The following ZNF532 variants were observed in gnomAD, a reference collection of about 807,000 sequenced individuals.
The protein encoded by ZNF532 is zinc finger protein 532.
ZNF532 carries 22 observed loss-of-function variants against 89.3 expected under a neutral mutation model. The ratio of observed to expected loss-of-function variants is 0.25; its 90% CI spans 0.18 to 0.35. The LOEUF is 0.35. Among genes scored for constraint, ZNF532 ranks in the 10% least tolerant of loss-of-function variants. The pLI is 1.00. For missense variants in ZNF532, 1,132 were observed against 1,643.4 expected (o/e 0.69, Z 5.38); for synonymous variants, 606 against 649.6 (o/e 0.93, Z 1.02).
At position 58,904,772 on chromosome 18, in the gene ZNF532, G is replaced by A. The variant is rs530286499; in HGVS notation, c.-17-13499G>A. Among the ~76,000 whole-genome samples the A allele has an allele frequency of 4.0e-5, 6 of 151,880 alleles. No individual in the cohort carries two copies. In the South Asian group the frequency reaches 1.2e-3, roughly 32 times the overall value. Reference sequence around the variant, plus strand: ...ACTGGGGCTGGCTGTAGTCGTGGAAGATAATCTGAATGATTTTGTGTGCAG... The same window carrying A: ...ACTGGGGCTGGCTGTAGTCGTGGAAAATAATCTGAATGATTTTGTGTGCAG... On this transcript the variant is annotated intron_variant, in intron 2 of 9. Transcript: ENST00000591808.
rs752823162 is a variant in ZNF532, at chr18:58,919,109, C to T, written c.822C>T (p.Ile274=). The T allele has an allele frequency of 5.0e-6, 8 of 1,614,116 alleles. No homozygotes were observed. Among genetic ancestry groups the T allele is most frequent in the Admixed American group, 3.3e-5 (2 of 60,010 alleles). ...AGCTCTCGTCCTGCATCGCTGCCAT[C>T]GCGGCTCTCAGCGCTAAAAAGGCGG... ...SSKLSSCIAA[I]AALSAKKAAS... Residue 274 remains isoleucine (I), a synonymous_variant, in exon 3 of 10, where the codon ATC becomes ATT. Coordinates refer to ENST00000591808, the MANE Select transcript of ZNF532 (RefSeq NM_001375912.1). The surrounding 1 kb of genome is among the most constrained non-coding windows in gnomAD (Gnocchi z 6.1).
intron 2 of ZNF532, among the ~76,000 whole-genome samples, chr18:58,874,202 A>G (rs568250611): frequency 6.6e-6 from 1 of 152,248 alleles, no homozygotes; most frequent in South Asian, 2.1e-4. Context: ...CCTTGTCGCT[A>G]GAGTTTTAGT....
chr18:58,958,108 C>CT (rs2064987303), intron 7 of ZNF532, among the ~76,000 whole-genome samples: 6 of 150,630 alleles, frequency 4.0e-5, no homozygotes, highest in Admixed American at 4.0e-4. Context: ...TCTGGCTCTG[C>CT]TAGTTATTCA....
Position 58,939,506 on chromosome 18 carries a change from T to G in ZNF532, c.2590T>G (p.Ser864Ala), listed in dbSNP as rs746452955. 7 of 1,614,084 alleles carry G rather than the reference T, an allele frequency of 4.3e-6. No homozygotes were observed. Among genetic ancestry groups the G allele is most frequent in the Non-Finnish European group, 8.5e-7 (1 of 1,179,998 alleles). The change falls in exon 5 of 10, where the codon TCT becomes GCT. Residue 864 changes from serine (S) to alanine (A), a missense_variant. This residue lies in a region of ZNF532 where 415 missense variants were observed against 604.8 expected (regional missense o/e 0.69). Transcript: ENST00000591808. The stretch of plus-strand genomic sequence containing the variant: ...TGCTCTGAAGTCTCACATTCAAGGT[T>G]CTCACTGTGAAGTCTTCTACAAGTG... ...VAALKSHIQG[S>A]HCEVFYKCPI...
At chr18:58,973,529 G>A (rs936907062) in intron 7 of ZNF532, among the ~76,000 whole-genome samples, 1 of 152,214 alleles carries the variant, frequency 6.6e-6, no homozygotes, top group African/African-American at 2.4e-5. Flanking sequence ...GTTAAAAGAT[G>A]GCGGAACGGT....
At chr18:58,951,941 G>A (rs907285107) in intron 6 of ZNF532, among the ~76,000 whole-genome samples, 7 of 152,030 alleles carry the variant, frequency 4.6e-5, no homozygotes, top group Admixed American at 2.6e-4. Flanking sequence ...GAGCCACTGC[G>A]CGTGGCCCAC....
intron 6 of ZNF532, among the ~76,000 whole-genome samples, chr18:58,950,723 C>G (rs766985805): frequency 2.6e-5 from 4 of 152,118 alleles, no homozygotes; most frequent in Non-Finnish European, 4.4e-5. Flanking sequence ...TTTTGAGTTA[C>G]AGACACTCAT....
At chr18:58,908,867 A>T (rs1052555250) in intron 2 of ZNF532, among the ~76,000 whole-genome samples, 1 of 152,252 alleles carries the variant, frequency 6.6e-6, no homozygotes, top group Non-Finnish European at 1.5e-5. Context: ...AGCATTTGCT[A>T]TGTGCATTTC....
intron 2 of ZNF532, among the ~76,000 whole-genome samples, chr18:58,875,591 T>C (rs2057358017): frequency 6.6e-6 from 1 of 152,226 alleles, no homozygotes; most frequent in African/African-American, 2.4e-5. Flanking sequence ...CACACTGGGT[T>C]GGTGTTTGCT....
chr18:58,912,488 G>T (rs915891883), intron 2 of ZNF532, among the ~76,000 whole-genome samples: 1 of 152,166 alleles, frequency 6.6e-6, no homozygotes, highest in Non-Finnish European at 1.5e-5. Flanking sequence ...GCTGAGAGGG[G>T]GCAGAGTGTG....
intron 2 of ZNF532, among the ~76,000 whole-genome samples, chr18:58,905,154 T>C (rs971550908): frequency 6.6e-6 from 1 of 152,276 alleles, no homozygotes; most frequent in African/African-American, 2.4e-5. Context: ...AAAATTGTGT[T>C]TCTAATAACC....
rs2064344648 is a variant in ZNF532, at chr18:58,952,787, A to G, written c.2869-731A>G. ...TGGTCTTTAGAATCAAATTGCACTA[A>G]TTTTGCCCTTTTCAAATTTGAAATC... is the stretch of plus-strand genomic sequence containing the variant. On this transcript the variant is annotated intron_variant, in intron 6 of 9. Coordinates refer to ENST00000591808, the MANE Select transcript of ZNF532 (RefSeq NM_001375912.1). 2.0e-5 allele frequency among the ~76,000 whole-genome samples: 3 copies of G among 152,206 alleles called. No individual in the cohort carries two copies. The South Asian group carries it at 6.2e-4, about 32-fold the overall frequency.
intron 6 of ZNF532, among the ~76,000 whole-genome samples, chr18:58,949,193 T>C (rs1256906748): frequency 1.3e-5 from 2 of 152,212 alleles, no homozygotes; most frequent in Non-Finnish European, 2.9e-5. Context: ...GAAATCTATT[T>C]ATAGCCTTTT....
Position 58,919,138 on chromosome 18 carries a change from C to T in ZNF532, c.851C>T (p.Ser284Leu). The change falls in exon 3 of 10, where the codon TCA (serine) becomes TTA (leucine). Residue 284 changes from serine (S) to leucine (L), a missense_variant. Physicochemically the swap from Ser to Leu is moderately radical, Grantham distance 145. Transcript: ENST00000591808. This position sits in a 1 kb window ranked among gnomAD's most constrained non-coding sequence, Gnocchi z 6.1. ...GCTCTCAGCGCTAAAAAGGCGGCTT[C>T]AGACTCCTGCAAAGAACCAGTGGCC... ...IAALSAKKAA[S>L]DSCKEPVANS... 6.2e-7 allele frequency: 1 copy of T among 1,614,246 alleles called. No homozygotes were observed. The highest frequency in any genetic ancestry group is 8.5e-7 in the Non-Finnish European group (1 of 1,180,048).
intron 2 of ZNF532, among the ~76,000 whole-genome samples, chr18:58,913,068 T>G (rs1603018771): frequency 6.6e-6 from 1 of 152,222 alleles, no homozygotes; most frequent in African/African-American, 2.4e-5. Flanking sequence ...TTCCCTGATA[T>G]GCAGTCGAGA....
At chr18:58,883,086 T>TGA (rs1385075956) in intron 2 of ZNF532, among the ~76,000 whole-genome samples, 4 of 152,324 alleles carry the variant, frequency 2.6e-5, no homozygotes, top group African/African-American at 9.6e-5. Context: ...TAATGAAAAC[T>TGA]GAGAGAGGGC....
At chr18:58,894,151 A>AT (rs2059097476) in intron 2 of ZNF532, among the ~76,000 whole-genome samples, 1 of 152,012 alleles carries the variant, frequency 6.6e-6, no homozygotes, top group Non-Finnish European at 1.5e-5. Context: ...TAAATATATG[A>AT]TTTTCATCTT....
Position 58,952,951 on chromosome 18 carries a change from G to C in ZNF532, c.2869-567G>C, listed in dbSNP as rs549497988. Among the ~76,000 whole-genome samples, 40 of 152,308 alleles carry C rather than the reference G, an allele frequency of 2.6e-4. No homozygotes were observed. The South Asian group carries it at 7.9e-3, about 30-fold the overall frequency. ...CCATCAGTAAGAAAGGATGGGTCGG[G>C]ATAGGATGTAAGGAGATGAAAATTC... On this transcript the variant is annotated intron_variant, in intron 6 of 9. Coordinates refer to ENST00000591808, the MANE Select transcript of ZNF532 (RefSeq NM_001375912.1).
intron 2 of ZNF532, among the ~76,000 whole-genome samples, chr18:58,882,973 A>G (rs1487004135): frequency 6.6e-6 from 1 of 152,160 alleles, no homozygotes; most frequent in Non-Finnish European, 1.5e-5. Flanking sequence ...AAATTCCTAG[A>G]CTGTAGAACC....
Sources: gnomAD v4.1 joint callset for allele counts (sites outside exome capture counted in the v4.1 genomes callset) on GRCh38, gnomAD v4.1.1 for gene constraint, gnomAD v4.1.1 regional missense constraint, Gnocchi (gnomAD v3.1) non-coding constraint, MANE v1.5 for transcripts, NCBI Gene and HGNC (gene_info 2026-07-23, HGNC 2026-07-21) for gene names.